Variants in ARID1B observed in about 807,000 individuals in gnomAD.
ARID1B encodes AT-rich interactive domain-containing protein 1B.
Under a neutral mutation model 212.3 loss-of-function variants are expected in ARID1B, and 30 were observed. The ratio of observed to expected loss-of-function variants is 0.14; its 90% CI spans 0.11 to 0.19. ARID1B has a LOEUF of 0.19. ARID1B is among the 10% of genes least tolerant of loss of function. The probability of loss-of-function intolerance (pLI) is 1.00; values close to 1 mark genes in which losing one functional copy is unlikely to be tolerated. For missense variants in ARID1B, 2,891 were observed against 3,204.0 expected, an observed-to-expected ratio of 0.90 and a Z score of 2.36; for synonymous variants, 1,402 against 1,301.7, an observed-to-expected ratio of 1.08 and a Z score of -1.66.
chr6:157,038,302 A>G (rs1187674842), intron 4 of ARID1B, among the ~76,000 whole-genome samples: 1 of 152,172 alleles, frequency 6.6e-6, no homozygotes, highest in Non-Finnish European at 1.5e-5. Context: ...TGACTCCTCC[A>G]TGTGCTACAT....
intron 3 of ARID1B, among the ~76,000 whole-genome samples, chr6:156,910,342 A>G (rs1789770969): frequency 6.6e-6 from 1 of 152,224 alleles, no homozygotes; most frequent in African/African-American, 2.4e-5. Flanking sequence ...ATCAAGTTCA[A>G]GACAGGTATT....
chr6:157,147,152 A>G (rs1259198339), intron 7 of ARID1B, among the ~76,000 whole-genome samples: 1 of 151,850 alleles, frequency 6.6e-6, no homozygotes, highest in African/African-American at 2.4e-5. Flanking sequence ...TCTACACACA[A>G]TCAAAAGGTG....
rs2128372693 is a variant in ARID1B, at chr6:157,200,808, A to G, written c.4583A>G (p.Asn1528Ser). 1 of 1,614,122 alleles carries G rather than the reference A, an allele frequency of 6.2e-7. No individual in the cohort carries two copies. The highest frequency in any genetic ancestry group is 8.5e-7 in the Non-Finnish European group (1 of 1,180,010). Residue 1528 changes from asparagine to serine, a missense_variant, in exon 18 of 20, where the codon AAC (asparagine) becomes AGC (serine). Physicochemically the swap from Asn to Ser is conservative, Grantham distance 46. Transcript: ENST00000636930. This position sits in a 1 kb window ranked among gnomAD's most constrained non-coding sequence, Gnocchi z 4.3. ...AGCAGCCAGCAGCAGGAGATGTACA[A>G]CCAGTATGGAGGCTCCTACTCGGGC... ...QYSSQQQEMY[N>S]QYGGSYSGPD...
chr6:156,923,446 G>T (rs1027067773), intron 3 of ARID1B, among the ~76,000 whole-genome samples: 1 of 152,150 alleles, frequency 6.6e-6, no homozygotes, highest in African/African-American at 2.4e-5. Context: ...TCTAGAGAAA[G>T]AATATCTTGG....
At chr6:156,812,806 T>C (rs1046118486) in intron 1 of ARID1B, among the ~76,000 whole-genome samples, 1 of 150,822 alleles carries the variant, frequency 6.6e-6, no homozygotes, top group Admixed American at 6.6e-5. Context: ...TGGGACAAGC[T>C]CGACTTTTCC....
At chr6:157,124,298 C>A (rs1787984871) in intron 6 of ARID1B, among the ~76,000 whole-genome samples, 1 of 152,196 alleles carries the variant, frequency 6.6e-6, no homozygotes, top group African/African-American at 2.4e-5. Context: ...TGCCAGATAC[C>A]TTGCTTGGGC....
Position 157,056,757 on chromosome 6 carries a change from A to G in ARID1B, c.2248-27905A>G, listed in dbSNP as rs1177915995. Reference sequence around the variant, plus strand: ...AACATTTTGATGTTTAGTTTTGACTAATCATTTTTGGAGCATATAAGGAGA... The same window carrying G: ...AACATTTTGATGTTTAGTTTTGACTGATCATTTTTGGAGCATATAAGGAGA... On this transcript the variant is annotated intron_variant, in intron 4 of 19. Transcript: ENST00000636930. Among the ~76,000 whole-genome samples, 7 of 152,200 alleles carry G rather than the reference A, an allele frequency of 4.6e-5. No homozygotes were observed. The East Asian group carries it at 1.2e-3, about 25-fold the overall frequency.
At chr6:157,136,567 A>G (rs1021942042) in intron 7 of ARID1B, among the ~76,000 whole-genome samples, 1 of 152,242 alleles carries the variant, frequency 6.6e-6, no homozygotes, top group Non-Finnish European at 1.5e-5. Flanking sequence ...AAACATATAT[A>G]TAAAAAATTA....
chr6:157,010,888 A>C (rs1274966766), intron 4 of ARID1B, among the ~76,000 whole-genome samples: 1 of 152,192 alleles, frequency 6.6e-6, no homozygotes, highest in Non-Finnish European at 1.5e-5. Flanking sequence ...TGTGATCACT[A>C]ATAGAACTAT....
At position 157,201,786 on chromosome 6, in the gene ARID1B, G is replaced by A. The variant is rs1794135474; in HGVS notation, c.5263+298G>A. Among the ~76,000 whole-genome samples, 1 of 152,178 alleles carries A rather than the reference G, an allele frequency of 6.6e-6. No individual in the cohort carries two copies. The highest frequency in any genetic ancestry group is 2.4e-5 in the African/African-American group (1 of 41,440). Reference sequence around the variant, plus strand: ...TCGAGACCATCCTGGATAACACGGTGAAATAAAATGGTAGTTTTACGTGTG... The same window carrying A: ...TCGAGACCATCCTGGATAACACGGTAAAATAAAATGGTAGTTTTACGTGTG... On this transcript the variant is annotated intron_variant, in intron 18 of 19. Transcript: ENST00000636930. The surrounding 1 kb of genome is among the most constrained non-coding windows in gnomAD (Gnocchi z 5.2).
intron 2 of ARID1B, among the ~76,000 whole-genome samples, chr6:156,836,595 A>G (rs932018434): frequency 6.6e-6 from 1 of 152,242 alleles, no homozygotes; most frequent in Non-Finnish European, 1.5e-5. Flanking sequence ...GGGTTGGACT[A>G]TAAGACCTCT....
intron 2 of ARID1B, among the ~76,000 whole-genome samples, chr6:156,849,001 C>T (rs1454244788): frequency 2.6e-5 from 4 of 152,168 alleles, no homozygotes; most frequent in South Asian, 4.1e-4. Context: ...GAAACTTCAC[C>T]GCCTGGGTCC....
intron 1 of ARID1B, among the ~76,000 whole-genome samples, chr6:156,814,159 T>C (rs2127994245): frequency 6.6e-6 from 1 of 152,304 alleles, no homozygotes; most frequent in South Asian, 2.1e-4. Context: ...CTCACGTCTG[T>C]AATTCCAGCA....
rs769536464 is a variant in ARID1B, at chr6:157,133,015, A to T, written c.2582-13A>T. The T allele has an allele frequency of 6.3e-7, 1 of 1,592,372 alleles. No homozygotes were observed. Among genetic ancestry groups the T allele is most frequent in the East Asian group, 2.2e-5 (1 of 44,644 alleles). Reference sequence around the variant, plus strand: ...CACCTGCATTTATATGTTTCCATTTATTTCCCACTTAGGTTTTATGGCAGG... The same window carrying T: ...CACCTGCATTTATATGTTTCCATTTTTTTCCCACTTAGGTTTTATGGCAGG... On this transcript the variant is annotated splice_polypyrimidine_tract_variant and intron_variant, in intron 6 of 19. Coordinates refer to ENST00000636930, the MANE Select transcript of ARID1B (RefSeq NM_001374828.1).
chr6:156,910,045 G>A (rs1789739615), intron 3 of ARID1B, among the ~76,000 whole-genome samples: 1 of 152,172 alleles, frequency 6.6e-6, no homozygotes, highest in Non-Finnish European at 1.5e-5. Context: ...GTTTGGGGTG[G>A]TTGTTACCCG....
intron 4 of ARID1B, among the ~76,000 whole-genome samples, chr6:157,028,175 G>A (rs992149310): frequency 7.2e-5 from 11 of 152,066 alleles, no homozygotes; most frequent in African/African-American, 1.9e-4. Context: ...TTTAGAATAT[G>A]ACTAAACATT....
chr6:157,189,416 T>A (rs1793200626), intron 13 of ARID1B, among the ~76,000 whole-genome samples: 1 of 152,244 alleles, frequency 6.6e-6, no homozygotes, highest in Non-Finnish European at 1.5e-5. Context: ...ATGAAATATG[T>A]TGCCAAATAG....
intron 4 of ARID1B, among the ~76,000 whole-genome samples, chr6:156,948,289 A>G (rs1486514928): frequency 6.6e-6 from 1 of 152,220 alleles, no homozygotes; most frequent in Non-Finnish European, 1.5e-5. Context: ...GTGCAAGGGC[A>G]TGATCATAGC....
chr6:156,811,164 G>A (rs1002307655), intron 1 of ARID1B, among the ~76,000 whole-genome samples: 1 of 152,166 alleles, frequency 6.6e-6, no homozygotes, highest in African/African-American at 2.4e-5. Flanking sequence ...CTTTTAAAGG[G>A]CTCACCAGAT....
Sources: allele counts gnomAD v4.1 joint callset (sites outside exome capture counted in the v4.1 genomes callset), GRCh38; gene constraint gnomAD v4.1.1; non-coding constraint Gnocchi (gnomAD v3.1); transcripts MANE v1.5; gene names NCBI Gene and HGNC (gene_info 2026-07-23, HGNC 2026-07-21).